ADGRA1: variants seen among roughly 807,000 people sequenced by gnomAD.
The protein encoded by ADGRA1 is G-protein coupled receptor 123.
ADGRA1 carries 12 observed loss-of-function variants against 21.3 expected under a neutral mutation model. That is an observed-to-expected ratio of 0.56 (90% CI 0.36 to 0.91). The LOEUF is 0.91. Ranked by LOEUF, ADGRA1 falls within the 40% of genes least tolerant of loss-of-function variation. The pLI is 0.01. For missense variants in ADGRA1, 790 were observed against 805.6 expected (o/e 0.98, Z 0.23); for synonymous variants, 385 against 368.8 (o/e 1.04, Z -0.50).
At chr10:133,098,549 G>A (rs770861291) in intron 3 of ADGRA1, 91 bp from the exon 4 acceptor site, 10 of 1,489,366 alleles carry the variant, frequency 6.7e-6, no homozygotes, top group South Asian at 2.6e-5. Context: ...CGGACTTCCC[G>A]GGGACAGAGC....
At chr10:133,102,173 G>A (rs946572886) in intron 4 of ADGRA1, 7 of 453,320 alleles carry the variant, frequency 1.5e-5, no homozygotes, top group African/African-American at 1.0e-4. Context: ...CCCGTGGGGG[G>A]CTCATCCCAC....
At chr10:133,121,566 G>C in intron 5 of ADGRA1, among the ~76,000 whole-genome samples, 1 of 145,012 alleles carries the variant, frequency 6.9e-6, no homozygotes, top group Non-Finnish European at 1.5e-5. Context: ...GTGCTTGTTT[G>C]TGTGCATGCC....
chr10:133,110,613 T>TGA (rs111780901), intron 5 of ADGRA1, among the ~76,000 whole-genome samples: 3 of 151,874 alleles, frequency 2.0e-5, no homozygotes, highest in South Asian at 2.1e-4. Flanking sequence ...AAAGAAAGCC[T>TGA]GAGAGAGAGA....
intron 5 of ADGRA1, among the ~76,000 whole-genome samples, chr10:133,115,189 G>A (rs1026831254): frequency 5.9e-5 from 9 of 152,060 alleles, no homozygotes; most frequent in Non-Finnish European, 1.2e-4. Context: ...CTCACCCATC[G>A]CCTGAGTGGG....
chr10:133,125,512 C>T (rs1852360968), intron 5 of ADGRA1, among the ~76,000 whole-genome samples: 1 of 152,230 alleles, frequency 6.6e-6, no homozygotes, highest in Admixed American at 6.5e-5. Context: ...CAAACCCCGC[C>T]TCCTGGGTTC....
At position 133,128,746 on chromosome 10, in the gene ADGRA1, C is replaced by T. The variant is rs1279951477; in HGVS notation, c.918C>T (p.His306=). 1.2e-6 allele frequency: 2 copies of T among 1,612,066 alleles called. No homozygotes were observed. Among genetic ancestry groups the T allele is most frequent in the East Asian group, 2.2e-5 (1 of 44,856 alleles). ...TGGGACTCTTCGTGCTCATCCACCA[C>T]TGCGCCAAGCGTGAGGACGTGTGGC... ...VTLGLFVLIH[H]CAKREDVWQC... is the part of the protein sequence containing the mutation. Residue 306 remains histidine (H), a synonymous_variant, in exon 7 of 7, where the codon CAC becomes CAT. Transcript: ENST00000392607.
At chr10:133,112,806 G>A in intron 5 of ADGRA1, among the ~76,000 whole-genome samples, 1 of 145,914 alleles carries the variant, frequency 6.9e-6, no homozygotes, top group South Asian at 2.3e-4. Context: ...TGCGGGCCGT[G>A]TTGGTTCGGT....
chr10:133,100,316 G>T (rs939501385), intron 4 of ADGRA1, among the ~76,000 whole-genome samples: 2 of 152,236 alleles, frequency 1.3e-5, no homozygotes, highest in Non-Finnish European at 2.9e-5. Flanking sequence ...CCCGGGAAAC[G>T]CCATTGACGT....
At chr10:133,098,466 G>A (rs1377246024) in intron 3 of ADGRA1, among the ~76,000 whole-genome samples, 174 bp from the exon 4 acceptor site, 1 of 152,174 alleles carries the variant, frequency 6.6e-6, no homozygotes, top group Non-Finnish European at 1.5e-5. Flanking sequence ...GTCACTCAGG[G>A]CAGACTCGGA....
chr10:133,088,094 G>T lies in ADGRA1; in HGVS notation c.-247G>T. The stretch of plus-strand genomic sequence containing the variant: ...GGGGGAGCGCAGCGCGTCTGTCTCC[G>T]GGAGCGCGGCCCGGCCGCCCCGGCA... On this transcript the variant is annotated 5_prime_UTR_variant, in exon 1 of 7. Transcript: ENST00000392607. 1 of 985,220 alleles carries T rather than the reference G, an allele frequency of 1.0e-6. No homozygotes were observed. The highest frequency in any genetic ancestry group is 1.2e-6 in the Non-Finnish European group (1 of 829,860). 61.0% of individuals were successfully genotyped at this position (985,220 alleles called of 1,614,324 possible).
intron 5 of ADGRA1, among the ~76,000 whole-genome samples, chr10:133,123,032 G>A (rs1440842263): frequency 6.6e-6 from 1 of 152,182 alleles, no homozygotes; most frequent in Non-Finnish European, 1.5e-5. Context: ...CCCGCTTCTG[G>A]CGAGACCACG....
At chr10:133,093,949 C>A (rs1851645124) in intron 2 of ADGRA1, among the ~76,000 whole-genome samples, 1 of 152,274 alleles carries the variant, frequency 6.6e-6, no homozygotes, top group South Asian at 2.1e-4. Flanking sequence ...CTGTTGATAA[C>A]TGTAATTTGG....
chr10:133,122,207 C>G (rs1852282341), intron 5 of ADGRA1, among the ~76,000 whole-genome samples: 1 of 152,236 alleles, frequency 6.6e-6, no homozygotes, highest in Non-Finnish European at 1.5e-5. Flanking sequence ...TGGGTGGCAC[C>G]TGGGCCCAGG....
rs1346497772 is a variant in ADGRA1, at chr10:133,088,762, G to A, written c.-148G>A. On this transcript the variant is annotated 5_prime_UTR_variant, in exon 2 of 7. Transcript: ENST00000392607. ...CCGCCGCGGTCACCCTGAGGCCAGG[G>A]GCCCGGGAGCGCGACCTCCTGGCCG... 1.6e-6 allele frequency: 2 copies of A among 1,231,318 alleles called. No individual in the cohort carries two copies. Among genetic ancestry groups the A allele is most frequent in the Non-Finnish European group, 2.0e-6 (2 of 987,728 alleles). 76.3% of individuals were successfully genotyped at this position (1,231,318 alleles called of 1,614,324 possible).
intron 2 of ADGRA1, among the ~76,000 whole-genome samples, chr10:133,091,067 C>T (rs890258151): frequency 6.6e-5 from 10 of 152,348 alleles, no homozygotes; most frequent in South Asian, 2.1e-4. Context: ...TGCCTGTCTC[C>T]GCAAGGGGTG....
At chr10:133,114,104 G>T (rs1226247371) in intron 5 of ADGRA1, among the ~76,000 whole-genome samples, 4 of 152,214 alleles carry the variant, frequency 2.6e-5, no homozygotes, top group Non-Finnish European at 4.4e-5. Flanking sequence ...AAGGGAGGAG[G>T]TGCCACGTGG....
At chr10:133,088,983 G>A (rs1851553401) in intron 2 of ADGRA1, 71 bp downstream of exon 2, 2 of 1,234,938 alleles carry the variant, frequency 1.6e-6, no homozygotes. Flanking sequence ...CACCCGTATG[G>A]GGACTCCCAG....
intron 2 of ADGRA1, among the ~76,000 whole-genome samples, chr10:133,093,705 A>AC (rs1221521448): frequency 1.3e-5 from 2 of 151,796 alleles, no homozygotes; most frequent in East Asian, 3.9e-4. Flanking sequence ...CGTGTTCTTC[A>AC]CCCCCCAGGA....
chr10:133,093,408 A>G, intron 2 of ADGRA1: 1 of 1,043,610 alleles, frequency 9.6e-7, no homozygotes, highest in Non-Finnish European at 1.4e-6. Flanking sequence ...GGGAAAACAG[A>G]GGAGGAAGTT....
Sources: allele counts gnomAD v4.1 joint callset (sites outside exome capture counted in the v4.1 genomes callset), GRCh38; gene constraint gnomAD v4.1.1; transcripts MANE v1.5; gene names NCBI Gene and HGNC (gene_info 2026-07-23, HGNC 2026-07-21).